Variants in OPHN1 observed in about 807,000 individuals in gnomAD.
OPHN1 encodes the protein oligophrenin-1.
In OPHN1, 11 loss-of-function variants were observed where a neutral mutation model predicts 60.7. The ratio of observed to expected loss-of-function variants is 0.18; its 90% CI spans 0.11 to 0.30. OPHN1 has a LOEUF of 0.30. Among genes scored for constraint, OPHN1 ranks in the 10% least tolerant of loss-of-function variants. OPHN1 has a pLI of 1.00. For missense variants in OPHN1, 449 were observed against 611.0 expected (o/e 0.73, Z 2.80); for synonymous variants, 226 against 222.6 (o/e 1.02, Z -0.14).
At chrX:68,421,883 C>T (rs890703283) in intron 2 of OPHN1, among the ~76,000 whole-genome samples, 2 of 111,402 alleles carry the variant, frequency 1.8e-5, no homozygotes, top group Non-Finnish European at 3.8e-5. Context: ...ATATACTACT[C>T]ACTACATGAA....
intron 2 of OPHN1, among the ~76,000 whole-genome samples, chrX:68,407,973 G>A (rs1226905695): frequency 3.6e-5 from 4 of 112,059 alleles, no homozygotes; most frequent in Non-Finnish European, 7.5e-5. Flanking sequence ...TTTGTTGTTG[G>A]TGGTGGTGTT....
intron 2 of OPHN1, among the ~76,000 whole-genome samples, chrX:68,321,165 A>G (rs1441262308): frequency 9.0e-6 from 1 of 111,349 alleles, no homozygotes; most frequent in Non-Finnish European, 1.9e-5. Flanking sequence ...TGGGAGTGGG[A>G]CTCAAGTCCC....
At chrX:68,172,182 A>G (rs757954728) in intron 15 of OPHN1, among the ~76,000 whole-genome samples, 1 of 112,454 alleles carries the variant, frequency 8.9e-6, no homozygotes, top group African/African-American at 3.2e-5. Context: ...ATTCATGATG[A>G]TTTATTATTC....
chrX:68,406,004 G>T (rs2078741080), intron 2 of OPHN1, among the ~76,000 whole-genome samples: 1 of 108,634 alleles, frequency 9.2e-6, no homozygotes, highest in Non-Finnish European at 1.9e-5. Flanking sequence ...AAATAGCCAG[G>T]CGTGGTGGCA....
intron 21 of OPHN1, among the ~76,000 whole-genome samples, chrX:68,058,051 T>G (rs1333719227): frequency 9.0e-6 from 1 of 111,583 alleles, no homozygotes; most frequent in Non-Finnish European, 1.9e-5. Context: ...ATAGGCTCGT[T>G]ACATGTGCCA....
intron 19 of OPHN1, among the ~76,000 whole-genome samples, chrX:68,092,841 A>G (rs760275412): frequency 1.8e-5 from 2 of 111,538 alleles, no homozygotes; most frequent in African/African-American, 6.5e-5. Context: ...GAATAAAAAC[A>G]AAAGAAAAAT....
intron 15 of OPHN1, among the ~76,000 whole-genome samples, chrX:68,136,842 T>C (rs1292183517): frequency 8.9e-6 from 1 of 111,957 alleles, no homozygotes; most frequent in Non-Finnish European, 1.9e-5. Context: ...GGTTATAGTA[T>C]TTTGAATAAG....
rs926637441 is a variant in OPHN1 at position 68,317,864 on chromosome X, G to A, written c.155-18768C>T. 3.6e-5 allele frequency among the ~76,000 whole-genome samples: 4 copies of A among 111,440 alleles called. No homozygotes were observed. In the South Asian group the frequency reaches 1.5e-3, roughly 42 times the overall value. Reference sequence around the variant, plus strand: ...TTAACAACACACTGAGGCCAGGCAAGGTGGCTCACACCTGTAATCCCAACA... The same window carrying A: ...TTAACAACACACTGAGGCCAGGCAAAGTGGCTCACACCTGTAATCCCAACA... On this transcript the variant is annotated intron_variant, in intron 2 of 24. Transcript: ENST00000355520.
intron 15 of OPHN1, among the ~76,000 whole-genome samples, chrX:68,173,525 T>C (rs754642637): frequency 5.4e-5 from 6 of 111,463 alleles, no homozygotes; most frequent in Non-Finnish European, 1.1e-4. Context: ...CTCAGACAAT[T>C]AGGCATCATA....
chrX:68,142,426 G>T (rs1170044401), intron 15 of OPHN1, among the ~76,000 whole-genome samples: 1 of 112,061 alleles, frequency 8.9e-6, no homozygotes, highest in Non-Finnish European at 1.9e-5. Flanking sequence ...TGTTGGGATA[G>T]GATGGATATT....
chrX:68,389,778 T>TA (rs2078644565), intron 2 of OPHN1, among the ~76,000 whole-genome samples: 1 of 109,940 alleles, frequency 9.1e-6, no homozygotes, highest in African/African-American at 3.3e-5. Context: ...TTCTGCCACT[T>TA]ACTCACTATG....
At chrX:68,227,264 T>G (rs967542043) in intron 6 of OPHN1, among the ~76,000 whole-genome samples, 1 of 111,117 alleles carries the variant, frequency 9.0e-6, no homozygotes, top group Non-Finnish European at 1.9e-5. Flanking sequence ...AAGCAAGTCC[T>G]TAGAGACCGA....
intron 15 of OPHN1, among the ~76,000 whole-genome samples, chrX:68,184,021 G>A (rs758351737): frequency 9.0e-6 from 1 of 111,487 alleles, no homozygotes; most frequent in East Asian, 2.8e-4. Context: ...TCCACTAGAG[G>A]GAGACCACAG....
intron 5 of OPHN1, among the ~76,000 whole-genome samples, chrX:68,265,735 A>G (rs2077921188): frequency 9.0e-6 from 1 of 111,644 alleles, no homozygotes; most frequent in Admixed American, 9.6e-5. Flanking sequence ...ACTCCGAGCT[A>G]AAGGAGGAAG....
intron 15 of OPHN1, chrX:68,192,654 A>C: frequency 2.8e-6 from 1 of 361,351 alleles, no homozygotes; most frequent in Non-Finnish European, 4.9e-6. Flanking sequence ...GCCTGGCCAC[A>C]CAGTTCCAGT....
chrX:68,336,650 G>A (rs1229503473), intron 2 of OPHN1, among the ~76,000 whole-genome samples: 1 of 99,149 alleles, frequency 1.0e-5, no homozygotes, highest in Non-Finnish European at 1.9e-5. Context: ...CTCTATGTGT[G>A]TACGTGTGTG....
intron 2 of OPHN1, among the ~76,000 whole-genome samples, chrX:68,307,349 G>A (rs2078150547): frequency 9.2e-6 from 1 of 108,921 alleles, no homozygotes; most frequent in African/African-American, 3.4e-5. Flanking sequence ...AGCTACTCAG[G>A]AGGCTGAGGC....
At chrX:68,302,690 G>A (rs894981974) in intron 2 of OPHN1, among the ~76,000 whole-genome samples, 2 of 111,772 alleles carry the variant, frequency 1.8e-5, no homozygotes, top group African/African-American at 6.5e-5. Flanking sequence ...GGCCAAGGAA[G>A]GAGGATTGCT....
intron 15 of OPHN1, among the ~76,000 whole-genome samples, chrX:68,176,189 C>A (rs1263207637): frequency 9.0e-6 from 1 of 110,947 alleles, no homozygotes; most frequent in African/African-American, 3.3e-5. Context: ...ACGAAATGCA[C>A]AAGAAAGAAA....
Sources: allele counts gnomAD v4.1 joint callset (sites outside exome capture counted in the v4.1 genomes callset), GRCh38; gene constraint gnomAD v4.1.1; transcripts MANE v1.5; gene names NCBI Gene and HGNC (gene_info 2026-07-23, HGNC 2026-07-21).